Variants in CASK observed in about 807,000 individuals in gnomAD.
The protein encoded by CASK is peripheral plasma membrane protein CASK.
A neutral mutation model predicts 82.9 loss-of-function variants in CASK; 4 were observed. The ratio of observed to expected loss-of-function variants is 0.05; its 90% confidence interval spans 0.02 to 0.11. The LOEUF is 0.11. CASK is among the 10% of genes least tolerant of loss of function. The pLI, the probability that CASK is intolerant of heterozygous loss-of-function variation, is 1.00. For synonymous variants in CASK, 259 were observed against 253.5 expected (o/e 1.02, Z -0.20); for missense variants, 358 against 720.9 (o/e 0.50, Z 5.76).
At chrX:41,730,793 C>T (rs766542531) in intron 5 of CASK, among the ~76,000 whole-genome samples, 3 of 111,459 alleles carry the variant, frequency 2.7e-5, no homozygotes, top group South Asian at 3.8e-4. Context: ...CCTCCACCCC[C>T]CCGGGGTCAA....
chrX:41,824,644 G>C (rs1041657271), intron 2 of CASK, among the ~76,000 whole-genome samples: 1 of 111,764 alleles, frequency 8.9e-6, no homozygotes, highest in Non-Finnish European at 1.9e-5. Context: ...TCCTCCAGCA[G>C]CCCCTCAGTG....
chrX:41,770,381 T>G (rs1260149594), intron 3 of CASK, among the ~76,000 whole-genome samples: 1 of 109,215 alleles, frequency 9.2e-6, no homozygotes, highest in East Asian at 2.9e-4. Flanking sequence ...GACAGAGTTT[T>G]GCTCTTGTTA....
intron 1 of CASK, among the ~76,000 whole-genome samples, chrX:41,860,179 C>T (rs1150386): frequency 0.17 from 18,091 of 109,548 alleles, 1,418 homozygotes; most frequent in Middle Eastern, 0.29. Flanking sequence ...TATTAAGTAA[C>T]GCAATTTTAT....
At chrX:41,812,393 T>C (rs1397763689) in intron 2 of CASK, among the ~76,000 whole-genome samples, 2 of 111,363 alleles carry the variant, frequency 1.8e-5, no homozygotes, top group Admixed American at 1.9e-4. Context: ...TTATCCACCA[T>C]GATCAAGTGG....
rs2065668849 is a variant in CASK, at chrX:41,587,105, GA to G, written c.1234-119del. 3 of 480,671 alleles carry G rather than the reference GA, an allele frequency of 6.2e-6. No homozygotes were observed. In the African/African-American group the frequency reaches 7.3e-5, roughly 12 times the overall value. The allele number at this position is 480,671 out of a possible 1,213,427, so 39.6% of individuals were successfully genotyped here. On this transcript the variant is annotated intron_variant, in intron 13 of 26. Coordinates refer to ENST00000378163, the MANE Select transcript of CASK (RefSeq NM_001367721.1). ...TTATGGCAGGCAAAACAATTATTTT[GA>G]AAAACTTTTCATTTTATTCAAATGT...
intron 9 of CASK, among the ~76,000 whole-genome samples, chrX:41,633,143 C>G (rs2066502446): frequency 9.1e-6 from 1 of 110,346 alleles, no homozygotes; most frequent in Non-Finnish European, 1.9e-5. Flanking sequence ...ATTTTATCCT[C>G]TTAACTGAAT....
At chrX:41,837,248 A>G (rs756021263) in intron 2 of CASK, among the ~76,000 whole-genome samples, 3 of 112,293 alleles carry the variant, frequency 2.7e-5, no homozygotes, top group South Asian at 7.4e-4. Context: ...ATAGTAGCAT[A>G]TAACAGTAGT....
intron 14 of CASK, among the ~76,000 whole-genome samples, chrX:41,580,880 C>T (rs1569319010): frequency 8.9e-6 from 1 of 112,292 alleles, no homozygotes; most frequent in Admixed American, 9.4e-5. Context: ...GAAAAAAACA[C>T]TTTCACTTTT....
chrX:41,645,456 C>A (rs965552454), intron 8 of CASK, among the ~76,000 whole-genome samples: 3 of 110,940 alleles, frequency 2.7e-5, no homozygotes, highest in African/African-American at 9.8e-5. Flanking sequence ...GATCATCAAT[C>A]CCCTGTCTAA....
intron 5 of CASK, chrX:41,695,701 T>C (rs1253819535): frequency 4.1e-6 from 5 of 1,204,937 alleles, no homozygotes; most frequent in Non-Finnish European, 5.6e-6. Context: ...TCCCACAGAA[T>C]GCGCTTTATA....
At chrX:41,637,867 C>T (rs1397725566) in intron 8 of CASK, among the ~76,000 whole-genome samples, 2 of 109,955 alleles carry the variant, frequency 1.8e-5, no homozygotes, top group African/African-American at 3.3e-5. Context: ...TGGTCTTGAA[C>T]TCCTGGACTC....
chrX:41,778,384 C>T (rs1356286047), intron 3 of CASK, among the ~76,000 whole-genome samples: 2 of 109,740 alleles, frequency 1.8e-5, no homozygotes, highest in East Asian at 5.7e-4. Context: ...GCGCCCGCCA[C>T]CACGCCTGGC....
chrX:41,903,701 T>C (rs968539235), intron 1 of CASK, among the ~76,000 whole-genome samples: 9 of 111,144 alleles, frequency 8.1e-5, no homozygotes, highest in African/African-American at 2.9e-4. Flanking sequence ...TCTTCCTTTA[T>C]TTTTTGGTCT....
At chrX:41,671,677 G>T in intron 5 of CASK, 147 bp from the exon 6 acceptor site, 1 of 490,313 alleles carries the variant, frequency 2.0e-6, no homozygotes, top group African/African-American at 2.4e-5. Flanking sequence ...CTGGATGCTT[G>T]AATTATTTGT....
rs758661415 is a variant in CASK, at chrX:41,860,778, C to T, written c.60-7551G>A. Among the ~76,000 whole-genome samples, 15 of 112,438 alleles carry T rather than the reference C, an allele frequency of 1.3e-4. No homozygotes were observed. In the South Asian group the frequency reaches 4.4e-3, roughly 33 times the overall value. The stretch of plus-strand genomic sequence containing the variant: ...AACCAAAGAAAAAAAAGTTTTCCTA[C>T]TCATTGCTACCGCAAAAAACACACA... On this transcript the variant is annotated intron_variant, in intron 1 of 26. Transcript: ENST00000378163.
chrX:41,698,422 C>T (rs920665458), intron 5 of CASK, among the ~76,000 whole-genome samples: 15 of 111,765 alleles, frequency 1.3e-4, no homozygotes, highest in Admixed American at 9.5e-5. Flanking sequence ...TAGTCTTGTT[C>T]GTCATTGCCT....
intron 6 of CASK, 76 bp from the exon 7 acceptor site, chrX:41,665,528 C>G (rs959520359): frequency 1.4e-6 from 1 of 691,260 alleles, no homozygotes; most frequent in Admixed American, 3.4e-5. Flanking sequence ...AATAATAGAA[C>G]AATAACAATC....
At chrX:41,856,471 TG>T (rs1466212358) in intron 1 of CASK, among the ~76,000 whole-genome samples, 5 of 110,992 alleles carry the variant, frequency 4.5e-5, no homozygotes, top group Non-Finnish European at 9.4e-5. Flanking sequence ...ACTCTGGAAC[TG>T]GAAGTGAAGA....
chrX:41,685,650 T>G (rs951122942), intron 5 of CASK, among the ~76,000 whole-genome samples: 5 of 110,435 alleles, frequency 4.5e-5, no homozygotes, highest in Non-Finnish European at 9.5e-5. Context: ...CCCGGCTAAT[T>G]TTTGTAGTTT....
Sources: gnomAD v4.1 joint callset for allele counts (sites outside exome capture counted in the v4.1 genomes callset) on GRCh38, gnomAD v4.1.1 for gene constraint, MANE v1.5 for transcripts, NCBI Gene and HGNC (gene_info 2026-07-23, HGNC 2026-07-21) for gene names.